Variants in MYCBP2 observed in about 807,000 individuals in gnomAD.
MYCBP2 encodes MYC binding protein 2, also known as E3 ubiquitin-protein ligase MYCBP2.
Under a neutral mutation model 525.3 loss-of-function variants are expected in MYCBP2, and 120 were observed. That is an observed-to-expected ratio of 0.23 (90% confidence interval 0.20 to 0.27). The LOEUF is 0.27. Ranked by LOEUF, MYCBP2 falls within the 10% of genes least tolerant of loss-of-function variation. MYCBP2 has a pLI of 1.00. For synonymous variants in MYCBP2, 1,894 were observed against 1,955.8 expected, an observed-to-expected ratio of 0.97 and a Z score of 0.83; for missense variants, 4,149 against 5,657.1, an observed-to-expected ratio of 0.73 and a Z score of 8.55.
At chr13:77,076,028 T>C (rs2042233942) in intron 68 of MYCBP2, 1 of 152,158 alleles carries the variant, frequency 6.6e-6, no homozygotes, top group Non-Finnish European at 1.5e-5. Flanking sequence ...ACTAGAATAT[T>C]GAGACTAGTC....
chr13:77,110,923 T>C (rs2048712688), intron 55 of MYCBP2, among the ~76,000 whole-genome samples: 1 of 152,156 alleles, frequency 6.6e-6, no homozygotes, highest in Admixed American at 6.5e-5. Context: ...ACACTTGAAA[T>C]TATGCCATCA....
At chr13:77,258,697 AAAGGT>A (rs1387818350) in intron 13 of MYCBP2, among the ~76,000 whole-genome samples, 1 of 152,084 alleles carries the variant, frequency 6.6e-6, no homozygotes, top group African/African-American at 2.4e-5. Context: ...CACATTTGAA[AAAGGT>A]AAGGGTGTGT....
chr13:77,250,218 G>A (rs1393726266), intron 15 of MYCBP2, among the ~76,000 whole-genome samples: 3 of 100,728 alleles, frequency 3.0e-5, no homozygotes, highest in Admixed American at 1.1e-4. Context: ...GCGAGACTCC[G>A]TCTCAAAAAA....
intron 55 of MYCBP2, among the ~76,000 whole-genome samples, chr13:77,106,217 A>C (rs1566548769): frequency 1.3e-5 from 2 of 152,182 alleles, no homozygotes; most frequent in Non-Finnish European, 2.9e-5. Flanking sequence ...TTGAGTGTTG[A>C]GTCAACAACT....
chr13:77,278,023 G>C (rs530779864), intron 4 of MYCBP2, among the ~76,000 whole-genome samples: 3 of 152,044 alleles, frequency 2.0e-5, no homozygotes, highest in Admixed American at 6.6e-5. Flanking sequence ...GGCAAGAATC[G>C]GAACATACTT....
chr13:77,167,380 T>C (rs1365016683), intron 40 of MYCBP2, among the ~76,000 whole-genome samples: 1 of 152,134 alleles, frequency 6.6e-6, no homozygotes, highest in South Asian at 2.1e-4. Flanking sequence ...TAGGAATGAC[T>C]GCAAGAGGGG....
chr13:77,051,580 T>G (rs1021878707), intron 81 of MYCBP2, among the ~76,000 whole-genome samples: 3 of 152,190 alleles, frequency 2.0e-5, no homozygotes, highest in African/African-American at 4.8e-5. Flanking sequence ...GAAAATTTAT[T>G]ACATTGTTTA....
intron 35 of MYCBP2, among the ~76,000 whole-genome samples, chr13:77,177,016 G>T (rs941776360): frequency 4.5e-4 from 68 of 151,964 alleles, no homozygotes; most frequent in South Asian, 8.3e-4. Flanking sequence ...TAAAACTCAG[G>T]TACTTTAATT....
intron 32 of MYCBP2, among the ~76,000 whole-genome samples, chr13:77,182,576 T>C (rs866550722): frequency 2.6e-5 from 4 of 152,214 alleles, no homozygotes; most frequent in South Asian, 2.1e-4. Flanking sequence ...ATCTAGCCTG[T>C]TCTGTAGCAA....
chr13:77,209,687 C>T (rs1041730820), intron 23 of MYCBP2, among the ~76,000 whole-genome samples: 5 of 152,184 alleles, frequency 3.3e-5, no homozygotes, highest in African/African-American at 1.2e-4. Context: ...ATCTACCCTG[C>T]ACAATGCTGC....
chr13:77,089,696 T>G (rs576649909), intron 60 of MYCBP2, among the ~76,000 whole-genome samples: 18 of 151,854 alleles, frequency 1.2e-4, no homozygotes, highest in African/African-American at 4.3e-4. Flanking sequence ...ATCCCCAAAG[T>G]TTTATTATCT....
rs2039914508 is a variant in MYCBP2 at position 77,064,638 on chromosome 13, C to A, written c.12649G>T (p.Val4217Leu). Residue 4217 changes from valine to leucine, a missense_variant, in exon 73 of 83, where the codon GTG (valine) becomes TTG (leucine). This residue lies in a region of MYCBP2 where 148 missense variants were observed against 179.4 expected (regional missense o/e 0.82). Coordinates refer to ENST00000544440, the MANE Select transcript of MYCBP2 (RefSeq NM_015057.5). Reference sequence around the variant, plus strand: ...ACTCTAGTTGTTGCAATACATCTCACTGGAGACCTAAATTCTTCTTCCATC... The same window carrying A: ...ACTCTAGTTGTTGCAATACATCTCAATGGAGACCTAAATTCTTCTTCCATC... ...TKMEEEFRSPVRCIATTRLWL... is the reference protein window; with the variant it reads ...TKMEEEFRSPLRCIATTRLWL... 6 of 1,612,824 alleles carry A rather than the reference C, an allele frequency of 3.7e-6. No homozygotes were observed. Among genetic ancestry groups the A allele is most frequent in the Admixed American group, 3.3e-5 (2 of 59,920 alleles).
chr13:77,148,486 C>T (rs1030025239), intron 47 of MYCBP2, among the ~76,000 whole-genome samples: 5 of 151,650 alleles, frequency 3.3e-5, no homozygotes, highest in East Asian at 1.9e-4. Flanking sequence ...TCTACTTTGA[C>T]GTCTAGTCCC....
intron 71 of MYCBP2, among the ~76,000 whole-genome samples, chr13:77,066,974 GC>G (rs1380789971): frequency 6.6e-6 from 1 of 151,872 alleles, no homozygotes; most frequent in African/African-American, 2.4e-5. Flanking sequence ...TCTATATTAT[GC>G]TAACAAGTCA....
intron 53 of MYCBP2, 31 bp from the exon 54 acceptor site, chr13:77,125,499 G>A: frequency 1.2e-6 from 2 of 1,610,506 alleles, no homozygotes; most frequent in South Asian, 1.1e-5. Context: ...TGATTGATTG[G>A]CTTGATTCTT....
chr13:77,109,390 G>A (rs1368377648), intron 55 of MYCBP2, among the ~76,000 whole-genome samples: 4 of 152,222 alleles, frequency 2.6e-5, no homozygotes, highest in African/African-American at 9.6e-5. Flanking sequence ...CTGACAGGAA[G>A]TAGAGCTGAG....
chr13:77,092,750 T>C (rs1490814206), intron 59 of MYCBP2, among the ~76,000 whole-genome samples: 1 of 152,118 alleles, frequency 6.6e-6, no homozygotes, highest in Non-Finnish European at 1.5e-5. Flanking sequence ...TATTACATTA[T>C]TGTAACAAGT....
At chr13:77,280,151 T>C (rs79774540) in intron 3 of MYCBP2, among the ~76,000 whole-genome samples, 1 of 152,340 alleles carries the variant, frequency 6.6e-6, no homozygotes, top group East Asian at 1.9e-4. Context: ...AAGTCAATTG[T>C]AGTTCTGATT....
intron 18 of MYCBP2, among the ~76,000 whole-genome samples, chr13:77,229,521 T>A (rs1220677492): frequency 1.3e-5 from 2 of 152,226 alleles, no homozygotes; most frequent in African/African-American, 4.8e-5. Flanking sequence ...TCAAATATTG[T>A]ACCTTTAAGA....
Sources: gnomAD v4.1 joint callset for allele counts (sites outside exome capture counted in the v4.1 genomes callset) on GRCh38, gnomAD v4.1.1 for gene constraint, gnomAD v4.1.1 regional missense constraint, MANE v1.5 for transcripts, NCBI Gene and HGNC (gene_info 2026-07-23, HGNC 2026-07-21) for gene names.